Variants in SHISA6 observed in about 807,000 individuals in gnomAD.
SHISA6 encodes shisa family member 6, also known as protein shisa-6.
SHISA6 carries 22 observed loss-of-function variants against 47.9 expected under a neutral mutation model. That is an observed-to-expected ratio of 0.46 (90% CI 0.33 to 0.66). The LOEUF (loss-of-function observed/expected upper bound fraction) is 0.66. SHISA6 is among the 30% of genes least tolerant of loss of function. The probability of loss-of-function intolerance (pLI) is 0.02; values close to 1 mark genes in which losing one functional copy is unlikely to be tolerated. For missense variants in SHISA6, 680 were observed against 764.6 expected (o/e 0.89, Z 1.30); for synonymous variants, 388 against 337.8 (o/e 1.15, Z -1.63).
intron 3 of SHISA6, among the ~76,000 whole-genome samples, chr17:11,424,584 G>T (rs750555707): frequency 2.0e-4 from 30 of 152,012 alleles, no homozygotes; most frequent in Non-Finnish European, 2.5e-4. Flanking sequence ...GTGATTTAAA[G>T]TGCAAAGCAC....
At chr17:11,347,504 A>G (rs1911739712) in intron 2 of SHISA6, among the ~76,000 whole-genome samples, 5 of 152,218 alleles carry the variant, frequency 3.3e-5, no homozygotes, top group Admixed American at 6.5e-5. Context: ...TACATATTTC[A>G]CATGTATTAT....
rs149856154 is a variant in SHISA6, at chr17:11,526,880, CATATATATATAT to C, written c.896-24971_896-24960del. Among the ~76,000 whole-genome samples, 354 of 111,450 alleles carry C rather than the reference CATATATATATAT, an allele frequency of 3.2e-3. 2 individuals are homozygous for C. Among genetic ancestry groups the C allele is most frequent in the Admixed American group, 5.1e-3 (57 of 11,192 alleles). 73.1% of individuals were successfully genotyped at this position (111,450 alleles called of 152,430 possible). A position where few individuals can be genotyped will look rare whatever the true frequency, so the allele number is the denominator to read the frequency against. On this transcript the variant is annotated intron_variant, in intron 3 of 5. Transcript: ENST00000441885. The stretch of plus-strand genomic sequence containing the variant: ...CTTGATGCCTCAAGCTATCTATCAT[CATATATATATAT>C]ATATATATATATATATATATATATA...
At chr17:11,299,427 A>G (rs1308311156) in intron 2 of SHISA6, among the ~76,000 whole-genome samples, 1 of 152,030 alleles carries the variant, frequency 6.6e-6, no homozygotes, top group African/African-American at 2.4e-5. Flanking sequence ...TTCATTTCCT[A>G]TTAACTGCTA....
At chr17:11,550,457 T>C (rs550857110) in intron 3 of SHISA6, among the ~76,000 whole-genome samples, 1 of 152,284 alleles carries the variant, frequency 6.6e-6, no homozygotes, top group African/African-American at 2.4e-5. Context: ...AGGATTTGTC[T>C]TGGAAATTGA....
chr17:11,334,913 C>T (rs1911265996), intron 2 of SHISA6, among the ~76,000 whole-genome samples: 1 of 152,222 alleles, frequency 6.6e-6, no homozygotes, highest in Non-Finnish European at 1.5e-5. Context: ...CCCCGTGGTG[C>T]ATGATTTGCC....
intron 4 of SHISA6, among the ~76,000 whole-genome samples, chr17:11,554,634 T>C (rs2071959500): frequency 6.6e-6 from 1 of 152,020 alleles, no homozygotes; most frequent in Non-Finnish European, 1.5e-5. Context: ...AAAAAGAGGA[T>C]GGAGGAATGA....
At chr17:11,287,955 C>G (rs148968203) in intron 2 of SHISA6, among the ~76,000 whole-genome samples, 51 of 152,182 alleles carry the variant, frequency 3.4e-4, no homozygotes, top group African/African-American at 1.1e-3. Context: ...TAATGAATCT[C>G]CATGCCCCAT....
At chr17:11,379,666 A>G (rs922124149) in intron 3 of SHISA6, 157 bp downstream of exon 3, 4 of 529,438 alleles carry the variant, frequency 7.6e-6, no homozygotes, top group South Asian at 2.2e-5. Flanking sequence ...GGCTTCTGAC[A>G]GGAGTTACTG....
At chr17:11,519,468 G>A (rs1478018592) in intron 3 of SHISA6, among the ~76,000 whole-genome samples, 1 of 152,100 alleles carries the variant, frequency 6.6e-6, no homozygotes, top group East Asian at 1.9e-4. Flanking sequence ...ATAAAACAGA[G>A]GTTACCAAGT....
In SHISA6 at chr17:11,241,968, C is replaced by T. The variant is rs1422134407; in HGVS notation, c.546C>T (p.Cys182=). The T allele has an allele frequency of 3.2e-6, 5 of 1,550,948 alleles. No individual in the cohort carries two copies. The highest frequency in any genetic ancestry group is 4.4e-6 in the Non-Finnish European group (5 of 1,147,022). ...DKTNFTVYIT[C]GVIAFVIVAG... is the part of the protein sequence containing the mutation. ...CCAACTTCACCGTCTACATCACCTG[C>T]GGGGTGATCGCCTTCGTCATCGTGG... Residue 182 remains cysteine, a synonymous_variant, in exon 1 of 6, where the codon TGC becomes TGT. Transcript: ENST00000441885. This position sits in a 1 kb window ranked among gnomAD's most constrained non-coding sequence, Gnocchi z 5.5.
intron 2 of SHISA6, among the ~76,000 whole-genome samples, chr17:11,327,535 A>T (rs1172511630): frequency 6.6e-6 from 1 of 152,188 alleles, no homozygotes; most frequent in Admixed American, 6.5e-5. Context: ...ATCCAGTAAT[A>T]CTGAAGGACC....
intron 3 of SHISA6, among the ~76,000 whole-genome samples, chr17:11,500,907 C>T (rs541166006): frequency 6.6e-5 from 10 of 152,270 alleles, no homozygotes; most frequent in Admixed American, 4.6e-4. Flanking sequence ...GTGCCAGGTA[C>T]TGTGGTAAGC....
intron 2 of SHISA6, among the ~76,000 whole-genome samples, chr17:11,374,361 T>C (rs184733459): frequency 1.2e-4 from 18 of 152,294 alleles, no homozygotes; most frequent in African/African-American, 4.3e-4. Context: ...AAAATTTTTT[T>C]TTGTTTTCTC....
chr17:11,516,898 C>T (rs2071590287), intron 3 of SHISA6, among the ~76,000 whole-genome samples: 1 of 152,184 alleles, frequency 6.6e-6, no homozygotes, highest in Non-Finnish European at 1.5e-5. Flanking sequence ...TTGCTGCAGC[C>T]AAGCCCAACC....
intron 3 of SHISA6, among the ~76,000 whole-genome samples, chr17:11,410,728 G>A (rs1914090814): frequency 1.3e-5 from 2 of 152,140 alleles, no homozygotes; most frequent in Non-Finnish European, 2.9e-5. Flanking sequence ...TTGTCAAAGT[G>A]TGGTCCCTGG....
At chr17:11,430,732 T>C (rs1324539729) in intron 3 of SHISA6, among the ~76,000 whole-genome samples, 1 of 152,158 alleles carries the variant, frequency 6.6e-6, no homozygotes, top group East Asian at 1.9e-4. Flanking sequence ...CTGGGCATAA[T>C]AAGAACCAGA....
At chr17:11,453,750 A>G (rs1324467604) in intron 3 of SHISA6, among the ~76,000 whole-genome samples, 2 of 152,244 alleles carry the variant, frequency 1.3e-5, no homozygotes, top group African/African-American at 2.4e-5. Context: ...AAAGCATACA[A>G]TAGCATGGAT....
At chr17:11,530,764 A>G (rs1200840893) in intron 3 of SHISA6, among the ~76,000 whole-genome samples, 1 of 152,198 alleles carries the variant, frequency 6.6e-6, no homozygotes, top group African/African-American at 2.4e-5. Flanking sequence ...TTCCATACTC[A>G]TGAGGAAAAG....
At chr17:11,445,372 A>C (rs1438470116) in intron 3 of SHISA6, among the ~76,000 whole-genome samples, 1 of 152,214 alleles carries the variant, frequency 6.6e-6, no homozygotes, top group Non-Finnish European at 1.5e-5. Flanking sequence ...GCATATACTT[A>C]GTACTTCTGA....
Sources: gnomAD v4.1 joint callset for allele counts (sites outside exome capture counted in the v4.1 genomes callset) on GRCh38, gnomAD v4.1.1 for gene constraint, Gnocchi (gnomAD v3.1) non-coding constraint, MANE v1.5 for transcripts, NCBI Gene and HGNC (gene_info 2026-07-23, HGNC 2026-07-21) for gene names.